The following DARS1 variants were observed in gnomAD, a reference collection of about 807,000 sequenced individuals.
DARS1 encodes aspartate--tRNA ligase, cytoplasmic.
DARS1 carries 51 observed loss-of-function variants against 68.8 expected under a neutral mutation model. That is an observed-to-expected ratio of 0.74 (90% CI 0.59 to 0.94). DARS1 has a LOEUF of 0.94. Ranked by LOEUF, DARS1 falls within the 40% of genes least tolerant of loss-of-function variation. DARS1 has a pLI of 0.00. For missense variants in DARS1, 607 were observed against 597.3 expected, an observed-to-expected ratio of 1.02 and a Z score of -0.17; for synonymous variants, 203 against 190.4, an observed-to-expected ratio of 1.07 and a Z score of -0.55.
chr2:135,977,761 A>G (rs145058314), intron 3 of DARS1, among the ~76,000 whole-genome samples: 2 of 152,328 alleles, frequency 1.3e-5, no homozygotes, highest in Admixed American at 1.3e-4. Flanking sequence ...TGGCCCTAAG[A>G]GTGAAATGTA....
At chr2:135,951,176 T>C (rs1681831404) in intron 4 of DARS1, among the ~76,000 whole-genome samples, 1 of 152,212 alleles carries the variant, frequency 6.6e-6, no homozygotes. Context: ...TCGATATAGT[T>C]AAGCTTAGGA....
chr2:135,976,028 T>C (rs1247814417), intron 3 of DARS1, among the ~76,000 whole-genome samples: 1 of 152,216 alleles, frequency 6.6e-6, no homozygotes, highest in Non-Finnish European at 1.5e-5. Context: ...GATTTAATTC[T>C]ATAATGCTTG....
At chr2:135,931,578 T>TA (rs576348490) in intron 7 of DARS1, among the ~76,000 whole-genome samples, 1 of 152,110 alleles carries the variant, frequency 6.6e-6, no homozygotes, top group East Asian at 1.9e-4. Context: ...CTTAAAAACT[T>TA]AAAGTTACTA....
intron 5 of DARS1, 129 bp downstream of exon 5, chr2:135,943,249 T>C (rs962176786): frequency 1.5e-5 from 20 of 1,296,832 alleles, no homozygotes; most frequent in East Asian, 2.5e-5. Context: ...CAAAAGCTAA[T>C]TGATTCAGTA....
chr2:135,976,015 C>G (rs567168955), intron 3 of DARS1, among the ~76,000 whole-genome samples: 25 of 152,220 alleles, frequency 1.6e-4, no homozygotes, highest in Admixed American at 6.5e-4. Context: ...CCACTTTATA[C>G]CTGATTTAAT....
chr2:135,970,252 CAAA>C (rs1217937806), intron 3 of DARS1, among the ~76,000 whole-genome samples: 1,877 of 49,088 alleles, frequency 0.038, 20 homozygotes, highest in African/African-American at 0.1. Flanking sequence ...GACCCTGTCT[CAAA>C]AAAAAAAAAA....
chr2:135,979,913 A>AT lies in DARS1; in HGVS notation c.125-548dup, dbSNP rs1188238291. ...TGCAAGTCTTTCTCTGGGACTAAAT[A>AT]TACAGATGCTGGGAATGAAGCTCTC... On this transcript the variant is annotated intron_variant, in intron 2 of 15. Coordinates refer to ENST00000264161, the MANE Select transcript of DARS1 (RefSeq NM_001349.4). Among the ~76,000 whole-genome samples, 3 of 152,214 alleles carry AT rather than the reference A, an allele frequency of 2.0e-5. No homozygotes were observed. The East Asian group carries it at 5.8e-4, about 29-fold the overall frequency.
Position 135,933,925 on chromosome 2 carries a change from C to T in DARS1, c.489G>A (p.Glu163=). ...PLQLDDAVRP[E]AEGEEEGRAT... ...TAATTTTTACCTCTTCTCCTTCTGCCTCAGGCCGAACAGCATCATCCAGCT... is the reference window on the plus strand; with the variant it reads ...TAATTTTTACCTCTTCTCCTTCTGCTTCAGGCCGAACAGCATCATCCAGCT... Residue 163 remains glutamate (E), a synonymous_variant, in exon 6 of 16, where the codon GAG becomes GAA. Transcript: ENST00000264161. 1.2e-6 allele frequency: 2 copies of T among 1,613,220 alleles called. No individual in the cohort carries two copies. The highest frequency in any genetic ancestry group is 1.7e-6 in the Non-Finnish European group (2 of 1,179,372).
intron 10 of DARS1, among the ~76,000 whole-genome samples, chr2:135,918,952 CA>C (rs748239286): frequency 2.0e-5 from 3 of 152,154 alleles, no homozygotes; most frequent in Non-Finnish European, 4.4e-5. Flanking sequence ...AACTAGCTAT[CA>C]AAGGTACAAA....
chr2:135,917,109 C>T (rs947364351), intron 10 of DARS1, among the ~76,000 whole-genome samples: 2 of 151,846 alleles, frequency 1.3e-5, no homozygotes, highest in African/African-American at 4.8e-5. Context: ...TGCAGCGAGC[C>T]AAGATCGGCC....
rs772247016 is a variant in DARS1, at chr2:135,985,488, G to T, written c.-20C>A. 6.2e-7 allele frequency: 1 copy of T among 1,613,998 alleles called. No homozygotes were observed. Among genetic ancestry groups the T allele is most frequent in the East Asian group, 2.2e-5 (1 of 44,864 alleles). On this transcript the variant is annotated 5_prime_UTR_variant, in exon 1 of 16. In the 5' UTR this introduces an upstream ATG that the reference lacks. Coordinates refer to ENST00000264161, the MANE Select transcript of DARS1 (RefSeq NM_001349.4). Reference sequence around the variant, plus strand: ...GGGCATCGGGACACGGAACTGGGCAGTGGACACCACCCTCCCTCGCAGGCT... The same window carrying T: ...GGGCATCGGGACACGGAACTGGGCATTGGACACCACCCTCCCTCGCAGGCT...
chr2:135,947,171 C>T (rs1193645500), intron 4 of DARS1, among the ~76,000 whole-genome samples: 1 of 151,380 alleles, frequency 6.6e-6, no homozygotes, highest in East Asian at 2.0e-4. Context: ...TCTGGGAGGT[C>T]GGGGTGGGTG....
At chr2:135,946,456 C>T (rs1345679354) in intron 4 of DARS1, among the ~76,000 whole-genome samples, 2 of 152,056 alleles carry the variant, frequency 1.3e-5, no homozygotes, top group East Asian at 3.8e-4. Flanking sequence ...ATTGGAAAAA[C>T]TCAAATTCAT....
chr2:135,980,091 C>G (rs1158462342), intron 2 of DARS1, among the ~76,000 whole-genome samples: 1 of 152,152 alleles, frequency 6.6e-6, no homozygotes, highest in Non-Finnish European at 1.5e-5. Context: ...GCTTCCTGAG[C>G]CCCAAGATCC....
chr2:135,908,683 TCA>T (rs1680836058), intron 15 of DARS1, among the ~76,000 whole-genome samples: 1 of 152,236 alleles, frequency 6.6e-6, no homozygotes, highest in Admixed American at 6.5e-5. Context: ...GAGCTTTTCT[TCA>T]TATATTTGTT....
chr2:135,907,242 CTT>C lies in DARS1; in HGVS notation c.*72_*73del, dbSNP rs992435404. The C allele has an allele frequency of 0.056, 24,932 of 445,196 alleles. 195 individuals carry two copies. Among genetic ancestry groups the C allele is most frequent in the East Asian group, 0.17 (3,266 of 19,774 alleles). The allele number at this position is 445,196 out of a possible 1,614,324, so 27.6% of individuals were successfully genotyped here. On this transcript the variant is annotated 3_prime_UTR_variant, in exon 16 of 16. Transcript: ENST00000264161. Reference sequence around the variant, plus strand: ...TACTGAAAAGAATAAGTGTGGCTTTCTTTTTTTTTTTTTTTTTTTGAGGCAGG... The same window carrying C: ...TACTGAAAAGAATAAGTGTGGCTTTCTTTTTTTTTTTTTTTTTGAGGCAGG...
intron 10 of DARS1, among the ~76,000 whole-genome samples, chr2:135,918,689 CAAACTCTATTATTTAATGGAGAAGCT>C (rs138774041): frequency 0.16 from 24,461 of 152,112 alleles, 2,265 homozygotes; most frequent in Middle Eastern, 0.39. Flanking sequence ...GTGGAAATGT[CAAACTCTATTATTTAATGGAGAAGCT>C]ATCAGTATTT....
At chr2:135,942,267 A>G (rs1329469529) in intron 5 of DARS1, among the ~76,000 whole-genome samples, 1 of 152,152 alleles carries the variant, frequency 6.6e-6, no homozygotes, top group African/African-American at 2.4e-5. Context: ...ATGTCCATCA[A>G]TGATAGACTG....
Position 135,979,598 on chromosome 2 carries a change from C to G in DARS1, c.125-232G>C, listed in dbSNP as rs142031221. 4.9e-3 allele frequency among the ~76,000 whole-genome samples: 753 copies of G among 152,308 alleles called. 4 individuals carry two copies. Among genetic ancestry groups the G allele is most frequent in the African/African-American group, 0.017 (718 of 41,554 alleles). Reference sequence around the variant, plus strand: ...TAAAATCCGTCTATTTCTCTACCATCTTCACTGCCGCCATACTAAACCAAG... The same window carrying G: ...TAAAATCCGTCTATTTCTCTACCATGTTCACTGCCGCCATACTAAACCAAG... On this transcript the variant is annotated intron_variant, in intron 2 of 15. Transcript: ENST00000264161.
Sources: gnomAD v4.1 joint callset for allele counts (sites outside exome capture counted in the v4.1 genomes callset) on GRCh38, gnomAD v4.1.1 for gene constraint, MANE v1.5 for transcripts, NCBI Gene and HGNC (gene_info 2026-07-23, HGNC 2026-07-21) for gene names.